Variants in KCTD2 observed in about 807,000 individuals in gnomAD.
KCTD2 encodes BTB/POZ domain-containing protein KCTD2.
A neutral mutation model predicts 27.9 loss-of-function variants in KCTD2; 18 were observed. The ratio of observed to expected loss-of-function variants is 0.64; its 90% CI spans 0.45 to 0.96. The LOEUF is 0.96. Ranked by LOEUF, KCTD2 falls within the 40% of genes least tolerant of loss-of-function variation. The probability of loss-of-function intolerance (pLI) is 0.00; values close to 1 mark genes in which losing one functional copy is unlikely to be tolerated. For synonymous variants in KCTD2, 175 were observed against 148.4 expected (o/e 1.18, Z -1.30); for missense variants, 280 against 348.0 (o/e 0.80, Z 1.56).
chr17:75,055,946 G>A (rs980364879), intron 3 of KCTD2, among the ~76,000 whole-genome samples: 5 of 151,994 alleles, frequency 3.3e-5, no homozygotes, highest in East Asian at 1.9e-4. Context: ...CAGGAGAATC[G>A]CTTGAACTAA....
At chr17:75,042,670 A>C, upstream of KCTD2, 6 of 1,587,400 alleles carry the variant, frequency 3.8e-6, no homozygotes, top group Non-Finnish European at 5.1e-6. Flanking sequence ...CTGAAAAATA[A>C]GTCAAATAAA....
upstream of KCTD2, chr17:75,042,398 C>A: frequency 6.7e-7 from 1 of 1,502,458 alleles, no homozygotes; most frequent in Non-Finnish European, 9.0e-7. Context: ...CTCCTAAGAT[C>A]ATCATGAAAA....
At chr17:75,053,256 A>C in intron 3 of KCTD2, 151 bp downstream of exon 3, 1 of 640,894 alleles carries the variant, frequency 1.6e-6, no homozygotes, top group East Asian at 2.8e-5. Flanking sequence ...GCCAAACTGC[A>C]CAGGAGAAAA....
Position 75,065,362 on chromosome 17 carries a change from T to G in KCTD2, c.*2315T>G, listed in dbSNP as rs2073446889. 2 of 152,256 alleles carry G rather than the reference T, an allele frequency of 1.3e-5. No individual in the cohort carries two copies. Among genetic ancestry groups the G allele is most frequent in the African/African-American group, 2.4e-5 (1 of 41,446 alleles). The allele number at this position is 152,256 out of a possible 1,614,324, so 9.4% of individuals were successfully genotyped here. On this transcript the variant is annotated 3_prime_UTR_variant, in exon 6 of 6. Coordinates refer to ENST00000322444, the MANE Select transcript of KCTD2 (RefSeq NM_015353.3). ...AGGCTGGTGTTCTTGCTTGAAAGCG[T>G]TGTGCCCTCTGAGTGTCTGGCTGAT... is the stretch of plus-strand genomic sequence containing the variant.
intron 1 of KCTD2, chr17:75,033,192 C>CTCCT (rs1269193844): frequency 2.0e-5 from 3 of 151,978 alleles, no homozygotes; most frequent in African/African-American, 7.3e-5. Context: ...TGGTTTTGAA[C>CTCCT]TCCTGGGCTC....
intron 3 of KCTD2, chr17:75,042,169 G>A (rs2073167820): frequency 3.1e-6 from 5 of 1,611,622 alleles, no homozygotes; most frequent in African/African-American, 1.3e-5. Flanking sequence ...CTTTAGAGGT[G>A]TGAAGTCTCA....
chr17:75,035,273 G>A (rs1485395463), exon 3 of KCTD2: 1 of 152,066 alleles, frequency 6.6e-6, no homozygotes. Flanking sequence ...GCGGCTCCCG[G>A]GATCCGAAGC....
Position 75,062,265 on chromosome 17 carries a change from G to C in KCTD2, c.762+20G>C. 16 of 1,603,664 alleles carry C rather than the reference G, an allele frequency of 1.0e-5. No individual in the cohort carries two copies. The highest frequency in any genetic ancestry group is 1.3e-5 in the Non-Finnish European group (15 of 1,175,606). On this transcript the variant is annotated intron_variant, in intron 5 of 5. Coordinates refer to ENST00000322444, the MANE Select transcript of KCTD2 (RefSeq NM_015353.3). ...GCGAAGGTAAGGAGCCCCTTCCCTG[G>C]GCAGTTGCCTCTGGCTTGCTTGTTC...
chr17:75,059,637 C>T lies in KCTD2; in HGVS notation c.636+32C>T, dbSNP rs369092564. 5.1e-6 allele frequency: 8 copies of T among 1,555,684 alleles called. No individual in the cohort carries two copies. In the Admixed American group the frequency reaches 1.0e-4, roughly 20 times the overall value. ...CTCTTAACAGAGCAGCAATCCCAGG[C>T]CCCGTTCAAGGGGTCTGCAGCTCTT... On this transcript the variant is annotated intron_variant, in intron 4 of 5. Coordinates refer to ENST00000322444, the MANE Select transcript of KCTD2 (RefSeq NM_015353.3).
chr17:75,047,440 C>T lies in KCTD2; in HGVS notation c.190C>T (p.Arg64Trp), dbSNP rs1420088857. Residue 64 changes from arginine to tryptophan, a missense_variant, in exon 1 of 6, where the codon CGG becomes TGG. Physicochemically the swap from Arg to Trp is moderately radical, Grantham distance 101 (BLOSUM62 -3). Transcript: ENST00000322444. Reference protein sequence around the residue: ...PLEPGPGPPERAGGGGAARWV... With the variant: ...PLEPGPGPPEWAGGGGAARWV... ...GGAGCCGGGTCCCGGACCACCCGAG[C>T]GGGCAGGGGGCGGCGGCGCGGCCCG... 1.4e-5 allele frequency: 20 copies of T among 1,468,740 alleles called. No homozygotes were observed. The East Asian group carries it at 5.0e-4, about 37-fold the overall frequency. The allele number at this position is 1,468,740 out of a possible 1,614,324, so 91.0% of individuals were successfully genotyped here.
upstream of KCTD2, among the ~76,000 whole-genome samples, chr17:75,043,360 C>T (rs1005157131): frequency 6.6e-6 from 1 of 152,140 alleles, no homozygotes; most frequent in African/African-American, 2.4e-5. Flanking sequence ...TTCTGTAATC[C>T]CAGCACTTTG....
intron 4 of KCTD2, chr17:75,060,575 G>T (rs1247469379): frequency 6.2e-7 from 1 of 1,612,124 alleles, no homozygotes; most frequent in Non-Finnish European, 8.5e-7. Context: ...AGTTGGCAAA[G>T]AGCAGCTGGC....
chr17:75,047,611 G>C, intron 1 of KCTD2, 22 bp downstream of exon 1: 1 of 1,595,638 alleles, frequency 6.3e-7, no homozygotes. Context: ...CCTCGGGCGC[G>C]CCCCCGGGCC....
intron 2 of KCTD2, among the ~76,000 whole-genome samples, chr17:75,051,610 T>C (rs1378602871): frequency 6.6e-6 from 1 of 151,486 alleles, no homozygotes; most frequent in Non-Finnish European, 1.5e-5. Flanking sequence ...CATATTTGCA[T>C]TGTCCTTCAT....
At chr17:75,038,091 C>CA (rs1479194672) in intron 3 of KCTD2, among the ~76,000 whole-genome samples, 1 of 151,896 alleles carries the variant, frequency 6.6e-6, no homozygotes, top group African/African-American at 2.4e-5. Flanking sequence ...TGTTCAAATG[C>CA]AAAAAGCTGT....
intron 2 of KCTD2, among the ~76,000 whole-genome samples, chr17:75,034,439 G>A (rs974109448): frequency 2.0e-5 from 3 of 152,190 alleles, no homozygotes; most frequent in African/African-American, 7.2e-5. Flanking sequence ...GACACCCCAG[G>A]TGGGACTCGA....
At position 75,047,593 on chromosome 17, in the gene KCTD2, T is replaced by TGCCCCGCCCTCGGGCGC; in HGVS notation, c.339+10_339+26dup. On this transcript the variant is annotated splice_donor_region_variant and intron_variant, in intron 1 of 5. Transcript: ENST00000322444. The stretch of plus-strand genomic sequence containing the variant: ...CCCGGAGCTGGACTCAGACAAGGTG[T>TGCCCCGCCCTCGGGCGC]GCCCCGCCCTCGGGCGCGCCCCCGG... 1 of 1,606,150 alleles carries TGCCCCGCCCTCGGGCGC rather than the reference T, an allele frequency of 6.2e-7. No homozygotes were observed. Among genetic ancestry groups the TGCCCCGCCCTCGGGCGC allele is most frequent in the Non-Finnish European group, 8.5e-7 (1 of 1,176,720 alleles).
At chr17:75,044,372 AT>A (rs545746562), upstream of KCTD2, among the ~76,000 whole-genome samples, 1 of 109,052 alleles carries the variant, frequency 9.2e-6, no homozygotes, top group South Asian at 3.1e-4. Context: ...CGCCCGGCTA[AT>A]TTTTTGTATT....
intron 1 of KCTD2, among the ~76,000 whole-genome samples, 194 bp downstream of exon 1, chr17:75,047,783 A>G (rs1471374044): frequency 6.6e-6 from 1 of 151,174 alleles, no homozygotes; most frequent in Non-Finnish European, 1.5e-5. Context: ...GCTGAGGCAT[A>G]CTCTGGCTTT....
Sources: gnomAD v4.1 joint callset for allele counts (sites outside exome capture counted in the v4.1 genomes callset) on GRCh38, gnomAD v4.1.1 for gene constraint, MANE v1.5 for transcripts, NCBI Gene and HGNC (gene_info 2026-07-23, HGNC 2026-07-21) for gene names.